Variants in TENM3 observed in about 807,000 individuals in gnomAD.
TENM3 encodes the protein teneurin-3.
A neutral mutation model predicts 255.1 loss-of-function variants in TENM3; 63 were observed. That is an observed-to-expected ratio of 0.25 (90% CI 0.20 to 0.30). TENM3 has a LOEUF of 0.30. TENM3 is among the 10% of genes least tolerant of loss of function. The pLI, the probability that TENM3 is intolerant of heterozygous loss-of-function variation, is 1.00. For synonymous variants in TENM3, 1,306 were observed against 1,322.3 expected (o/e 0.99, Z 0.27); for missense variants, 2,929 against 3,461.1 (o/e 0.85, Z 3.86).
chr4:181,474,754 CAAAG>C, the TENM3 span, among the ~76,000 whole-genome samples: 7 of 124,956 alleles, frequency 5.6e-5, no homozygotes, highest in South Asian at 7.9e-4. Context: ...AAAAAAAAAA[CAAAG>C]AAAGTTTCCA....
chr4:182,589,694 C>T (rs550212050), intron 3 of TENM3, among the ~76,000 whole-genome samples: 29 of 152,082 alleles, frequency 1.9e-4, no homozygotes, highest in Admixed American at 1.6e-3. Flanking sequence ...GGTTTGCGGC[C>T]GGGCGCAGTG....
chr4:182,462,844 A>C (rs1732166675), intron 3 of TENM3, among the ~76,000 whole-genome samples: 1 of 151,808 alleles, frequency 6.6e-6, no homozygotes, highest in African/African-American at 2.4e-5. Context: ...CTGAGACCGC[A>C]CCACCGCACT....
the TENM3 span, among the ~76,000 whole-genome samples, chr4:182,030,613 G>A: frequency 6.6e-6 from 1 of 152,144 alleles, no homozygotes; most frequent in Non-Finnish European, 1.5e-5. Flanking sequence ...TGGAATTGCT[G>A]GGTCAAGTGG....
intron 1 of TENM3, among the ~76,000 whole-genome samples, chr4:182,298,305 G>A (rs1477967098): frequency 6.6e-6 from 1 of 152,158 alleles, no homozygotes; most frequent in Non-Finnish European, 1.5e-5. Flanking sequence ...ATAGTTGTTG[G>A]ATAAAGAAAT....
chr4:181,466,214 T>G, the TENM3 span, among the ~76,000 whole-genome samples: 1 of 151,580 alleles, frequency 6.6e-6, no homozygotes, highest in Non-Finnish European at 1.5e-5. Flanking sequence ...GCCTCACTGG[T>G]TCAAGTGATT....
chr4:182,544,875 A>G (rs955817829), intron 3 of TENM3, among the ~76,000 whole-genome samples: 3 of 152,200 alleles, frequency 2.0e-5, no homozygotes, highest in Non-Finnish European at 4.4e-5. Flanking sequence ...ATCTAGGTGA[A>G]TTTGAGCAAA....
At chr4:182,283,053 T>C (rs1429238584) in intron 1 of TENM3, among the ~76,000 whole-genome samples, 1 of 152,184 alleles carries the variant, frequency 6.6e-6, no homozygotes, top group East Asian at 1.9e-4. Context: ...AAATACTGCC[T>C]GGTATTTGGA....
the TENM3 span, among the ~76,000 whole-genome samples, chr4:181,803,939 C>T: frequency 0.054 from 6,306 of 117,568 alleles, 151 homozygotes; most frequent in South Asian, 0.094. Flanking sequence ...ATTATCTCAA[C>T]AAAAAAAAAA....
the TENM3 span, among the ~76,000 whole-genome samples, chr4:181,550,436 G>A: frequency 2.0e-5 from 3 of 152,264 alleles, no homozygotes; most frequent in East Asian, 1.9e-4. Flanking sequence ...TCTACCAAAA[G>A]AACTAAATAA....
At chr4:181,504,008 A>G in the TENM3 span, among the ~76,000 whole-genome samples, 1 of 152,180 alleles carries the variant, frequency 6.6e-6, no homozygotes, top group African/African-American at 2.4e-5. Flanking sequence ...GGTTAATCCA[A>G]GGTTTTAGTG....
At chr4:182,118,720 T>C in the TENM3 span, among the ~76,000 whole-genome samples, 1 of 152,202 alleles carries the variant, frequency 6.6e-6, no homozygotes, top group East Asian at 1.9e-4. Flanking sequence ...AAAATGGTCA[T>C]GTAAATTTTC....
At chr4:181,907,274 C>T in the TENM3 span, among the ~76,000 whole-genome samples, 3 of 152,118 alleles carry the variant, frequency 2.0e-5, no homozygotes, top group African/African-American at 2.4e-5. Flanking sequence ...CCAGGAGGAC[C>T]GTGGCAAGTT....
the TENM3 span, among the ~76,000 whole-genome samples, chr4:181,606,705 C>T: frequency 6.6e-6 from 1 of 151,950 alleles, no homozygotes; most frequent in Non-Finnish European, 1.5e-5. Context: ...AAGATGGTTG[C>T]TAGTCTTATG....
chr4:182,471,834 A>C (rs891736592), intron 3 of TENM3, among the ~76,000 whole-genome samples: 10 of 152,172 alleles, frequency 6.6e-5, no homozygotes, highest in African/African-American at 2.4e-4. Flanking sequence ...TAAAAATTGT[A>C]TTCAGAAGTC....
chr4:182,786,420 T>TG (rs1489057747), intron 24 of TENM3, among the ~76,000 whole-genome samples: 1 of 151,904 alleles, frequency 6.6e-6, no homozygotes, highest in East Asian at 1.9e-4. Flanking sequence ...TAGCAAGGTG[T>TG]GGTGGCACAT....
chr4:181,515,108 A>G, the TENM3 span, among the ~76,000 whole-genome samples: 1 of 152,252 alleles, frequency 6.6e-6, no homozygotes, highest in African/African-American at 2.4e-5. Context: ...CCAACCTTCT[A>G]CAATATGTAG....
chr4:182,294,298 A>T lies in TENM3; in HGVS notation c.-75-29648A>T, dbSNP rs1761321713. Among the ~76,000 whole-genome samples the T allele has an allele frequency of 1.4e-5, 2 of 145,310 alleles. 1 individual carries two copies. The highest frequency in any genetic ancestry group is 1.4e-4 in the Admixed American group (2 of 14,606). Reference sequence around the variant, plus strand: ...CATTTTTAAGATTTCTAGATTGAAGATCTCCAGACTGAAGATCTAGATCCC... The same window carrying T: ...CATTTTTAAGATTTCTAGATTGAAGTTCTCCAGACTGAAGATCTAGATCCC... On this transcript the variant is annotated intron_variant, in intron 1 of 27. Coordinates refer to ENST00000511685, the MANE Select transcript of TENM3 (RefSeq NM_001080477.4).
the TENM3 span, among the ~76,000 whole-genome samples, chr4:181,856,980 C>T: frequency 2.0e-5 from 3 of 152,146 alleles, no homozygotes; most frequent in Non-Finnish European, 4.4e-5. Flanking sequence ...TAGTTATTGA[C>T]CACATGCTCT....
At chr4:181,669,797 T>G in the TENM3 span, among the ~76,000 whole-genome samples, 8 of 152,156 alleles carry the variant, frequency 5.3e-5, no homozygotes, top group Non-Finnish European at 1.0e-4. Context: ...TGAAGCCCAC[T>G]CTGTTTAAGA....
Sources: gnomAD v4.1 joint callset for allele counts (sites outside exome capture counted in the v4.1 genomes callset) on GRCh38, gnomAD v4.1.1 for gene constraint, MANE v1.5 for transcripts, NCBI Gene and HGNC (gene_info 2026-07-23, HGNC 2026-07-21) for gene names.